The following ATOH8 variants were observed in gnomAD, a reference collection of about 807,000 sequenced individuals.
ATOH8 encodes the protein transcription factor ATOH8.
Under a neutral mutation model 21.2 loss-of-function variants are expected in ATOH8, and 9 were observed. That is an observed-to-expected ratio of 0.42 (90% CI 0.26 to 0.74). The LOEUF is 0.74. Ranked by LOEUF, ATOH8 falls within the 30% of genes least tolerant of loss-of-function variation. The pLI is 0.24. For synonymous variants in ATOH8, 253 were observed against 224.0 expected, an observed-to-expected ratio of 1.13 and a Z score of -1.16; for missense variants, 524 against 470.9, an observed-to-expected ratio of 1.11 and a Z score of -1.04.
In ATOH8 at chr2:85,761,207, A is replaced by G. The variant is rs114654351; in HGVS notation, c.769-2784A>G. ...TGGGAGCTGGGAGAGCCTAGTGGCT[A>G]TGTGCCTGGTGTCAGTCAGATGAGT... On this transcript the variant is annotated intron_variant, in intron 1 of 2. Transcript: ENST00000306279. Among the ~76,000 whole-genome samples the G allele has an allele frequency of 3.0e-3, 461 of 152,254 alleles. 3 individuals carry two copies. Among genetic ancestry groups the G allele is most frequent in the African/African-American group, 0.011 (444 of 41,542 alleles).
chr2:85,766,353 G>C lies in ATOH8; in HGVS notation c.960+2171G>C, dbSNP rs1056100118. 6.6e-6 allele frequency among the ~76,000 whole-genome samples: 1 copy of C among 151,836 alleles called. No homozygotes were observed. The highest frequency in any genetic ancestry group is 2.4e-5 in the African/African-American group (1 of 41,308). ...ACCCTCCCTCCCCCACACCCAGCCC[G>C]GGCCTGAGGGCACTTCCTGCCTCCT... is the stretch of plus-strand genomic sequence containing the variant. On this transcript the variant is annotated intron_variant, in intron 2 of 2. Transcript: ENST00000306279. The surrounding 1 kb of genome is among the most constrained non-coding windows in gnomAD (Gnocchi z 4.0).
In ATOH8 at chr2:85,754,077, G is replaced by A; in HGVS notation, c.-113G>A. 13 of 1,274,704 alleles carry A rather than the reference G, an allele frequency of 1.0e-5. No homozygotes were observed. Among genetic ancestry groups the A allele is most frequent in the Non-Finnish European group, 1.3e-5 (13 of 981,568 alleles). 79.0% of individuals were successfully genotyped at this position (1,274,704 alleles called of 1,614,324 possible). On this transcript the variant is annotated 5_prime_UTR_variant, in exon 1 of 3. Coordinates refer to ENST00000306279, the MANE Select transcript of ATOH8 (RefSeq NM_032827.7). ...AGCTGCCCGGGGCGAGGGGGAGAAA[G>A]GGAGAGAGGGAGGGGGAGGGCGGGC...
rs570581793 is a variant in ATOH8, at chr2:85,768,283, C to T, written c.960+4101C>T. On this transcript the variant is annotated intron_variant, in intron 2 of 2. Transcript: ENST00000306279. ...GCTCCATGTGCTGTGGCTGTGGAAG[C>T]CTGCCTGGTAAAGGAATTCCTGACA... Among the ~76,000 whole-genome samples the T allele has an allele frequency of 3.9e-5, 6 of 152,316 alleles. 1 individual carries two copies. The highest frequency in any genetic ancestry group is 3.9e-4 in the Admixed American group (6 of 15,304).
intron 2 of ATOH8, chr2:85,775,050 C>T (rs1479048722): frequency 3.1e-6 from 3 of 980,170 alleles, no homozygotes; most frequent in Non-Finnish European, 2.4e-6. Flanking sequence ...AAATGTTAGA[C>T]AATATGAAAC....
rs1324191024 is a variant in ATOH8, at chr2:85,766,453, C to A, written c.960+2271C>A. Among the ~76,000 whole-genome samples, 1 of 152,060 alleles carries A rather than the reference C, an allele frequency of 6.6e-6. No homozygotes were observed. Among genetic ancestry groups the A allele is most frequent in the Non-Finnish European group, 1.5e-5 (1 of 67,994 alleles). On this transcript the variant is annotated intron_variant, in intron 2 of 2. Transcript: ENST00000306279. This position sits in a 1 kb window ranked among gnomAD's most constrained non-coding sequence, Gnocchi z 4.0. Reference sequence around the variant, plus strand: ...GGGAGGTGGGGTCTGTATGTCTTTGCCCTAATGACCTTCATGGTCTCGCAG... The same window carrying A: ...GGGAGGTGGGGTCTGTATGTCTTTGACCTAATGACCTTCATGGTCTCGCAG...
chr2:85,780,405 G>A (rs1277580307), intron 2 of ATOH8: 2 of 152,238 alleles, frequency 1.3e-5, no homozygotes, highest in African/African-American at 2.4e-5. Context: ...GACTGACTCC[G>A]AGGTTTGCAA....
intron 2 of ATOH8, among the ~76,000 whole-genome samples, chr2:85,767,683 ACTGAACACTT>A (rs1369968161): frequency 7.1e-6 from 1 of 141,838 alleles, no homozygotes; most frequent in African/African-American, 2.6e-5. Context: ...TCATGCAGCG[ACTGAACACTT>A]CTTGGTCTAG....
In ATOH8 at chr2:85,790,927, A is replaced by G. The variant is rs184460186; in HGVS notation, c.*4037A>G. Among the ~76,000 whole-genome samples the G allele has an allele frequency of 2.0e-5, 3 of 152,318 alleles. No homozygotes were observed. The highest frequency in any genetic ancestry group is 7.2e-5 in the African/African-American group (3 of 41,574). The stretch of plus-strand genomic sequence containing the variant: ...GCCAGCATCCCAGGCAACAAACAGC[A>G]AGACTCAGACATCTCCAAGGAAACC... On this transcript the variant is annotated 3_prime_UTR_variant, in exon 3 of 3. Transcript: ENST00000306279.
chr2:85,774,390 C>A, intron 2 of ATOH8: 2 of 985,618 alleles, frequency 2.0e-6, no homozygotes, highest in Non-Finnish European at 2.4e-6. Context: ...TGGCTCCCCA[C>A]ATCCCATCCT....
intron 2 of ATOH8, chr2:85,781,135 A>G (rs1185809763): frequency 2.1e-6 from 2 of 963,312 alleles, no homozygotes; most frequent in Non-Finnish European, 2.5e-6. Flanking sequence ...CAGCTTGTAC[A>G]GCGTAATTCC....
intron 2 of ATOH8, chr2:85,775,135 C>T: frequency 1.1e-6 from 1 of 926,614 alleles, no homozygotes; most frequent in Non-Finnish European, 1.3e-6. Flanking sequence ...TGCTATGTGA[C>T]ATAGGATGCG....
chr2:85,756,240 A>G (rs1044294472), intron 1 of ATOH8, among the ~76,000 whole-genome samples: 1 of 152,126 alleles, frequency 6.6e-6, no homozygotes, highest in Non-Finnish European at 1.5e-5. Context: ...CTCTGCCCTC[A>G]TCCACACCAG....
Position 85,766,787 on chromosome 2 carries a change from T to C in ATOH8, c.960+2605T>C, listed in dbSNP as rs189522303. Among the ~76,000 whole-genome samples, 7 of 152,272 alleles carry C rather than the reference T, an allele frequency of 4.6e-5. No individual in the cohort carries two copies. In the East Asian group the frequency reaches 1.2e-3, roughly 25 times the overall value. On this transcript the variant is annotated intron_variant, in intron 2 of 2. Transcript: ENST00000306279. This position sits in a 1 kb window ranked among gnomAD's most constrained non-coding sequence, Gnocchi z 4.0. The stretch of plus-strand genomic sequence containing the variant: ...GGCACCTATGCTTTTGCGGTCATAA[T>C]TGCTAGCTGTCACCCTCCATCTGTC...
chr2:85,763,946 G>GA (rs1679935434), intron 1 of ATOH8, 45 bp from the exon 2 acceptor site: 1 of 1,586,048 alleles, frequency 6.3e-7, no homozygotes, highest in African/African-American at 1.3e-5. Flanking sequence ...CTGCCAGGCT[G>GA]GGCACTGCGC....
rs1296356206 is a variant in ATOH8 at position 85,754,503 on chromosome 2, C to G, written c.314C>G (p.Ser105Cys). ...GGGGGCTCTCGGGCGCCCGAGGTCT[C>G]CGACGCGCGGAAACGCTGCTTCGCC... is the stretch of plus-strand genomic sequence containing the variant. ...ERGGSRAPEV[S>C]DARKRCFALG... is the part of the protein sequence containing the mutation. The change falls in exon 1 of 3, where the codon TCC (serine) becomes TGC (cysteine). Residue 105 changes from serine (S) to cysteine (C), a missense_variant. Transcript: ENST00000306279. The G allele has an allele frequency of 4.2e-6, 6 of 1,431,352 alleles. No individual in the cohort carries two copies. Among genetic ancestry groups the G allele is most frequent in the Non-Finnish European group, 5.4e-6 (6 of 1,102,272 alleles). 88.7% of individuals were successfully genotyped at this position (1,431,352 alleles called of 1,614,324 possible).
rs951666465 is a variant in ATOH8, at chr2:85,791,209, C to T, written c.*4319C>T. 4.6e-5 allele frequency among the ~76,000 whole-genome samples: 7 copies of T among 152,196 alleles called. No individual in the cohort carries two copies. The highest frequency in any genetic ancestry group is 1.0e-4 in the Non-Finnish European group (7 of 68,038). On this transcript the variant is annotated 3_prime_UTR_variant, in exon 3 of 3. Transcript: ENST00000306279. ...GAGGAACTTGATAGACAAACAATGA[C>T]AGTGTTTTCCAGAACTGTGGGTACG...
chr2:85,789,718 A>G lies in ATOH8; in HGVS notation c.*2828A>G, dbSNP rs1019585527. Among the ~76,000 whole-genome samples, 8 of 152,200 alleles carry G rather than the reference A, an allele frequency of 5.3e-5. No individual in the cohort carries two copies. Among genetic ancestry groups the G allele is most frequent in the African/African-American group, 1.7e-4 (7 of 41,436 alleles). ...CATTGGGATTTTTACAAGCTCCTCA[A>G]GTGATCTTAATGTGCAGGCAAGGTT... On this transcript the variant is annotated 3_prime_UTR_variant, in exon 3 of 3. Transcript: ENST00000306279.
Position 85,765,449 on chromosome 2 carries a change from T to G in ATOH8, c.960+1267T>G, listed in dbSNP as rs191153060. ...GCACGTTGCATTCCTGGGAGTGCTT[T>G]AACGTGGACCAATTAGACAAAATCC... is the stretch of plus-strand genomic sequence containing the variant. On this transcript the variant is annotated intron_variant, in intron 2 of 2. Coordinates refer to ENST00000306279, the MANE Select transcript of ATOH8 (RefSeq NM_032827.7). Among the ~76,000 whole-genome samples, 341 of 152,366 alleles carry G rather than the reference T, an allele frequency of 2.2e-3. 2 individuals are homozygous for G. The highest frequency in any genetic ancestry group is 7.0e-3 in the African/African-American group (292 of 41,592).
intron 2 of ATOH8, among the ~76,000 whole-genome samples, chr2:85,779,788 T>C (rs933273702): frequency 4.6e-5 from 7 of 152,184 alleles, no homozygotes; most frequent in African/African-American, 1.4e-4. Context: ...CTCCCAGGAA[T>C]TGCAAAAGAC....
Sources: allele counts gnomAD v4.1 joint callset (sites outside exome capture counted in the v4.1 genomes callset), GRCh38; gene constraint gnomAD v4.1.1; non-coding constraint Gnocchi (gnomAD v3.1); transcripts MANE v1.5; gene names NCBI Gene and HGNC (gene_info 2026-07-23, HGNC 2026-07-21).